The following CSPP1 variants were observed in gnomAD, a reference collection of about 807,000 sequenced individuals.
The protein encoded by CSPP1 is centrosome and spindle pole-associated protein 1.
In CSPP1, 126 loss-of-function variants were observed where a neutral mutation model predicts 164.4. The observed-to-expected ratio is 0.77, with a 90% CI of 0.66 to 0.89. CSPP1 has a LOEUF of 0.89. CSPP1 is among the 40% of genes least tolerant of loss of function. The pLI is 0.00. For synonymous variants in CSPP1, 472 were observed against 476.7 expected (o/e 0.99, Z 0.13); for missense variants, 1,395 against 1,449.8 (o/e 0.96, Z 0.61).
rs572207119 is a variant in CSPP1, at chr8:67,180,516, A to G, written c.3220+590A>G. ...GGAACTGTTTTAACAACTTGTTTGC[A>G]GGGGTAGATACATACATGTAAATGG... On this transcript the variant is annotated intron_variant, in intron 28 of 30. Coordinates refer to ENST00000678616, the MANE Select transcript of CSPP1 (RefSeq NM_001382391.1). Among the ~76,000 whole-genome samples the G allele has an allele frequency of 2.6e-5, 4 of 152,290 alleles. No individual in the cohort carries two copies. The East Asian group carries it at 7.7e-4, about 29-fold the overall frequency.
intron 28 of CSPP1, among the ~76,000 whole-genome samples, chr8:67,180,206 A>G (rs1832681441): frequency 2.0e-5 from 3 of 152,300 alleles, no homozygotes; most frequent in African/African-American, 7.2e-5. Context: ...GATGTCCTTC[A>G]GTAGATGAAT....
In CSPP1 at chr8:67,132,635, T is replaced by C. The variant is rs186698782; in HGVS notation, c.1827+555T>C. Among the ~76,000 whole-genome samples, 288 of 152,230 alleles carry C rather than the reference T, an allele frequency of 1.9e-3. 4 individuals are homozygous for C. Among genetic ancestry groups the C allele is most frequent in the African/African-American group, 6.6e-3 (273 of 41,548 alleles). On this transcript the variant is annotated intron_variant, in intron 16 of 30. Coordinates refer to ENST00000678616, the MANE Select transcript of CSPP1 (RefSeq NM_001382391.1). Reference sequence around the variant, plus strand: ...TGAGGCCCTGAACCAGATGGGGACGTTGGGGAAGACATCTAAGAGACAATT... The same window carrying C: ...TGAGGCCCTGAACCAGATGGGGACGCTGGGGAAGACATCTAAGAGACAATT...
At chr8:67,106,387 CT>C (rs1815536532) in intron 9 of CSPP1, among the ~76,000 whole-genome samples, 1 of 151,644 alleles carries the variant, frequency 6.6e-6, no homozygotes, top group Non-Finnish European at 1.5e-5. Context: ...GTGGCTGTTT[CT>C]TTTCTGCTTT....
At chr8:67,072,804 C>T (rs540876122) in intron 1 of CSPP1, among the ~76,000 whole-genome samples, 22 of 142,718 alleles carry the variant, frequency 1.5e-4, no homozygotes, top group African/African-American at 2.4e-4. Flanking sequence ...GAGTTCAAGG[C>T]TGAAGGTGTA....
At chr8:67,086,733 G>A in intron 4 of CSPP1, 2 of 587,136 alleles carry the variant, frequency 3.4e-6, no homozygotes, top group Non-Finnish European at 2.9e-6. Context: ...TGTTCCAAGT[G>A]TACAAATGTC....
In CSPP1 at chr8:67,196,263, A is replaced by ATCT. The variant is rs1837918362; in HGVS notation, c.*672_*674dup. On this transcript the variant is annotated 3_prime_UTR_variant, in exon 31 of 31. Coordinates refer to ENST00000678616, the MANE Select transcript of CSPP1 (RefSeq NM_001382391.1). ...ATAAATTTTTATTTTAATTACTAAA[A>ATCT]TCTTTTTAACTACTATGGAGCTTTC... 6.6e-6 allele frequency: 1 copy of ATCT among 152,204 alleles called. No individual in the cohort carries two copies. Among genetic ancestry groups the ATCT allele is most frequent in the Non-Finnish European group, 1.5e-5 (1 of 68,044 alleles). The allele number at this position is 152,204 out of a possible 1,614,324, so 9.4% of individuals were successfully genotyped here. A position where few individuals can be genotyped will look rare whatever the true frequency, so the allele number is the denominator to read the frequency against.
chr8:67,128,093 T>C (rs1358947898), intron 15 of CSPP1, among the ~76,000 whole-genome samples: 1 of 152,228 alleles, frequency 6.6e-6, no homozygotes, highest in Admixed American at 6.5e-5. Context: ...TGTGTTATTA[T>C]ATTTCTAGGG....
chr8:67,125,270 A>G (rs1172589873), intron 15 of CSPP1, among the ~76,000 whole-genome samples: 3 of 152,136 alleles, frequency 2.0e-5, no homozygotes, highest in Non-Finnish European at 1.5e-5. Context: ...GGCATTCTTT[A>G]TCTTTTAACA....
At chr8:67,188,394 TCAGGTAGTAAAGAG>T (rs1835276267) in intron 28 of CSPP1, among the ~76,000 whole-genome samples, 2 of 151,786 alleles carry the variant, frequency 1.3e-5, no homozygotes, top group Non-Finnish European at 2.9e-5. Flanking sequence ...ACCCAACCAA[TCAGGTAGTAAAGAG>T]GGCTCACTAA....
At chr8:67,155,056 G>C (rs891373674) in intron 19 of CSPP1, among the ~76,000 whole-genome samples, 1 of 152,126 alleles carries the variant, frequency 6.6e-6, no homozygotes, top group African/African-American at 2.4e-5. Flanking sequence ...GAACTGCCCA[G>C]ACTATTCGCA....
Position 67,103,048 on chromosome 8 carries a change from A to G in CSPP1, c.935A>G (p.Asn312Ser), listed in dbSNP as rs769726340. 8 of 1,606,218 alleles carry G rather than the reference A, an allele frequency of 5.0e-6. No individual in the cohort carries two copies. In the African/African-American group the frequency reaches 8.0e-5, roughly 16 times the overall value. The change falls in exon 8 of 31, where the codon AAC (asparagine) becomes AGC (serine). Residue 312 changes from asparagine (N) to serine (S), a missense_variant. By Grantham distance (46) the Asn-to-Ser change is conservative (BLOSUM62 1). Transcript: ENST00000678616. ...AATGTGTTTTTAAGGATGCACAGGA[A>G]CAAACGAGGGAATATGCCTCCTATG... is the stretch of plus-strand genomic sequence containing the variant. ...RVYTNDRMHR[N>S]KRGNMPPMEH...
At chr8:67,154,712 G>A (rs904129918) in intron 19 of CSPP1, among the ~76,000 whole-genome samples, 2 of 151,714 alleles carry the variant, frequency 1.3e-5, no homozygotes, top group African/African-American at 4.8e-5. Flanking sequence ...TCTTGGCCAG[G>A]CTGGTCTCGA....
chr8:67,138,016 T>G (rs1030156392), intron 17 of CSPP1, among the ~76,000 whole-genome samples: 3 of 152,210 alleles, frequency 2.0e-5, no homozygotes, highest in Non-Finnish European at 4.4e-5. Context: ...ATTTTGTGTT[T>G]AATTTATCTA....
At chr8:67,159,852 T>TTCTCTTTC (rs1554605176) in intron 21 of CSPP1, among the ~76,000 whole-genome samples, 7 of 47,598 alleles carry the variant, frequency 1.5e-4, no homozygotes, top group East Asian at 5.5e-4. Context: ...CTTTCTTTCT[T>TTCTCTTTC]TTTCTTTCTT....
chr8:67,156,293 T>C (rs1054172994), intron 19 of CSPP1, among the ~76,000 whole-genome samples: 3 of 151,926 alleles, frequency 2.0e-5, no homozygotes, highest in African/African-American at 7.3e-5. Context: ...TGTGAGGCCA[T>C]TGCTTGAACC....
chr8:67,145,728 A>G (rs1343906300), intron 17 of CSPP1, among the ~76,000 whole-genome samples: 5 of 151,896 alleles, frequency 3.3e-5, no homozygotes, highest in African/African-American at 4.8e-5. Context: ...GGGTTTCACC[A>G]TACTGGCCAG....
chr8:67,151,415 G>T (rs1489191497), intron 18 of CSPP1, among the ~76,000 whole-genome samples: 1 of 152,118 alleles, frequency 6.6e-6, no homozygotes, highest in Non-Finnish European at 1.5e-5. Context: ...CTAGTAGTCT[G>T]TATTGAGATC....
At chr8:67,153,965 A>G in intron 18 of CSPP1, 59 bp from the exon 19 acceptor site, 2 of 759,860 alleles carry the variant, frequency 2.6e-6, no homozygotes, top group Non-Finnish European at 4.6e-6. Flanking sequence ...TCATTCTTTA[A>G]CTGTTAAATT....
chr8:67,185,154 T>C (rs575508059), intron 28 of CSPP1, among the ~76,000 whole-genome samples: 3 of 151,340 alleles, frequency 2.0e-5, no homozygotes, highest in Non-Finnish European at 4.4e-5. Flanking sequence ...AAACACAACA[T>C]AGTCCAAGAG....
Sources: allele counts gnomAD v4.1 joint callset (sites outside exome capture counted in the v4.1 genomes callset), GRCh38; gene constraint gnomAD v4.1.1; transcripts MANE v1.5; gene names NCBI Gene and HGNC (gene_info 2026-07-23, HGNC 2026-07-21).